NGEF: variants seen among roughly 807,000 people sequenced by gnomAD.
NGEF encodes the protein ephexin-1.
NGEF carries 31 observed loss-of-function variants against 80.9 expected under a neutral mutation model. The observed-to-expected ratio is 0.38, with a 90% CI of 0.29 to 0.52. The LOEUF (loss-of-function observed/expected upper bound fraction) is 0.52, where lower values mean the gene tolerates loss of function less well. Ranked by LOEUF, NGEF falls within the 20% of genes least tolerant of loss-of-function variation. The pLI, the probability that NGEF is intolerant of heterozygous loss-of-function variation, is 0.84. For missense variants in NGEF, 709 were observed against 926.2 expected, an observed-to-expected ratio of 0.77 and a Z score of 3.04; for synonymous variants, 371 against 370.2, an observed-to-expected ratio of 1.00 and a Z score of -0.03.
intron 1 of NGEF, among the ~76,000 whole-genome samples, chr2:232,988,931 CA>C (rs1361797769): frequency 2.6e-5 from 4 of 152,108 alleles, no homozygotes; most frequent in Non-Finnish European, 5.9e-5. Flanking sequence ...ATGTTTCTAT[CA>C]GCATAAAGAG....
chr2:232,921,702 C>T (rs958565500), intron 4 of NGEF, among the ~76,000 whole-genome samples: 12 of 151,586 alleles, frequency 7.9e-5, no homozygotes, highest in African/African-American at 2.9e-4. Context: ...CCTCAAGCCT[C>T]AATTCCTGGT....
At chr2:232,987,737 T>C (rs919085942) in intron 1 of NGEF, among the ~76,000 whole-genome samples, 2 of 152,180 alleles carry the variant, frequency 1.3e-5, no homozygotes, top group African/African-American at 4.8e-5. Context: ...AGGGACCTGC[T>C]GGAAGACTTT....
chr2:232,943,336 C>T (rs1693477667), intron 3 of NGEF, among the ~76,000 whole-genome samples: 2 of 152,192 alleles, frequency 1.3e-5, no homozygotes, highest in African/African-American at 4.8e-5. Flanking sequence ...TCTCCACAGG[C>T]GTGAGTCAGA....
At chr2:232,879,719 C>T in intron 14 of NGEF, 40 bp from the exon 15 acceptor site, 2 of 1,583,250 alleles carry the variant, frequency 1.3e-6, no homozygotes, top group East Asian at 2.3e-5. Flanking sequence ...AGTGCTCCTG[C>T]AGGGCACAGG....
chr2:232,993,210 GCC>G (rs1694707863), intron 1 of NGEF, among the ~76,000 whole-genome samples: 1 of 28,496 alleles, frequency 3.5e-5, no homozygotes, highest in African/African-American at 1.9e-4. Flanking sequence ...ATATATATTT[GCC>G]CGTATAGATA....
intron 5 of NGEF, among the ~76,000 whole-genome samples, chr2:232,918,177 C>T (rs767652648): frequency 1.3e-5 from 2 of 152,146 alleles, no homozygotes; most frequent in South Asian, 2.1e-4. Context: ...AGGCTGGTCT[C>T]GAACTCCTGA....
chr2:232,993,171 T>A (rs1311740031), intron 1 of NGEF, among the ~76,000 whole-genome samples: 1 of 134,622 alleles, frequency 7.4e-6, no homozygotes, highest in Non-Finnish European at 1.5e-5. Flanking sequence ...ATATATTATA[T>A]ATATAAATAA....
At chr2:233,008,027 A>C (rs1303747186) in intron 1 of NGEF, among the ~76,000 whole-genome samples, 1 of 152,238 alleles carries the variant, frequency 6.6e-6, no homozygotes, top group Non-Finnish European at 1.5e-5. Flanking sequence ...CACTCAGATG[A>C]GAGCAAAACT....
intron 1 of NGEF, among the ~76,000 whole-genome samples, chr2:232,988,977 A>C (rs1054865306): frequency 4.4e-4 from 67 of 152,194 alleles, no homozygotes; most frequent in African/African-American, 1.6e-3. Flanking sequence ...ATCTGCCTAA[A>C]AACTTCTGGA....
intron 1 of NGEF, among the ~76,000 whole-genome samples, chr2:232,982,537 G>A (rs1199962152): frequency 1.3e-5 from 2 of 152,052 alleles, no homozygotes; most frequent in Non-Finnish European, 1.5e-5. Flanking sequence ...TTTTGAGACA[G>A]AATTTTGCTC....
At chr2:232,956,840 G>C (rs1386800232) in intron 3 of NGEF, among the ~76,000 whole-genome samples, 2 of 140,030 alleles carry the variant, frequency 1.4e-5, no homozygotes, top group Admixed American at 1.4e-4. Context: ...GTTATAAACA[G>C]TCAAGTAAAC....
intron 4 of NGEF, 24 bp downstream of exon 4, chr2:232,927,020 C>T (rs1330551631): frequency 6.2e-7 from 1 of 1,613,958 alleles, no homozygotes; most frequent in South Asian, 1.1e-5. Context: ...CCAAATAAAA[C>T]CCGGTTACTG....
At chr2:232,958,498 T>A (rs1693879825) in intron 3 of NGEF, among the ~76,000 whole-genome samples, 1 of 152,186 alleles carries the variant, frequency 6.6e-6, no homozygotes, top group African/African-American at 2.4e-5. Flanking sequence ...CATTTGCAAG[T>A]ATTGAGGCCT....
At chr2:233,001,551 G>A (rs181474048) in intron 1 of NGEF, among the ~76,000 whole-genome samples, 22 of 152,314 alleles carry the variant, frequency 1.4e-4, no homozygotes, top group African/African-American at 3.6e-4. Context: ...AATAGCCAGC[G>A]AGAACGGAAG....
intron 13 of NGEF, among the ~76,000 whole-genome samples, chr2:232,881,713 T>C (rs144213082): frequency 6.6e-5 from 10 of 152,202 alleles, no homozygotes; most frequent in African/African-American, 2.2e-4. Context: ...TTCCAAGTAG[T>C]TAGGATTACA....
intron 4 of NGEF, among the ~76,000 whole-genome samples, chr2:232,922,339 A>G (rs965987169): frequency 2.6e-5 from 4 of 152,234 alleles, no homozygotes; most frequent in Admixed American, 6.5e-5. Flanking sequence ...AGGCCGCCCT[A>G]TGGATTAAAT....
At chr2:232,976,409 C>T (rs1694295072) in intron 1 of NGEF, among the ~76,000 whole-genome samples, 2 of 152,160 alleles carry the variant, frequency 1.3e-5, no homozygotes, top group Non-Finnish European at 1.5e-5. Flanking sequence ...CTTCTACACC[C>T]ACCAGCCAGC....
At chr2:232,950,784 T>G (rs892440739) in intron 3 of NGEF, among the ~76,000 whole-genome samples, 1 of 152,168 alleles carries the variant, frequency 6.6e-6, no homozygotes, top group Non-Finnish European at 1.5e-5. Flanking sequence ...TCTCAACCCC[T>G]GTCTGAGAGT....
At chr2:232,974,235 G>A (rs1559231003) in intron 2 of NGEF, among the ~76,000 whole-genome samples, 3 of 152,130 alleles carry the variant, frequency 2.0e-5, no homozygotes, top group Admixed American at 2.0e-4. Flanking sequence ...GGCTATGGCA[G>A]TCACAGTGAG....
Sources: allele counts gnomAD v4.1 joint callset (sites outside exome capture counted in the v4.1 genomes callset), GRCh38; gene constraint gnomAD v4.1.1; transcripts MANE v1.5; gene names NCBI Gene and HGNC (gene_info 2026-07-23, HGNC 2026-07-21).